The following PHF20 variants were observed in gnomAD, a reference collection of about 807,000 sequenced individuals.
PHF20 encodes PHD finger protein 20.
PHF20 carries 23 observed loss-of-function variants against 113.5 expected under a neutral mutation model. The ratio of observed to expected loss-of-function variants is 0.20; its 90% CI spans 0.15 to 0.29. PHF20 has a LOEUF of 0.29. Among genes scored for constraint, PHF20 ranks in the 10% least tolerant of loss-of-function variants. PHF20 has a pLI of 1.00. For synonymous variants in PHF20, 434 were observed against 457.3 expected (o/e 0.95, Z 0.65); for missense variants, 943 against 1,219.6 (o/e 0.77, Z 3.38).
At chr20:35,814,595 C>T (rs536726625) in intron 2 of PHF20, among the ~76,000 whole-genome samples, 10 of 149,836 alleles carry the variant, frequency 6.7e-5, no homozygotes, top group African/African-American at 1.2e-4. Flanking sequence ...ATAAATAGGC[C>T]GGGCGCGGTG....
chr20:35,939,857 C>T (rs2055942581), intron 16 of PHF20, among the ~76,000 whole-genome samples: 1 of 152,068 alleles, frequency 6.6e-6, no homozygotes, highest in South Asian at 2.1e-4. Flanking sequence ...CAAGGGGATC[C>T]TAGATTACAA....
At chr20:35,874,742 A>C (rs1000079151) in intron 9 of PHF20, among the ~76,000 whole-genome samples, 1 of 152,180 alleles carries the variant, frequency 6.6e-6, no homozygotes, top group African/African-American at 2.4e-5. Flanking sequence ...ATAACTTAAA[A>C]AATTTTTTTT....
intron 4 of PHF20, among the ~76,000 whole-genome samples, chr20:35,851,584 A>T (rs895671845): frequency 1.5e-5 from 2 of 135,664 alleles, no homozygotes; most frequent in Admixed American, 7.4e-5. Context: ...CCCAACCCCC[A>T]CCCCGCCCCT....
At chr20:35,798,432 A>G (rs1255509000) in intron 1 of PHF20, among the ~76,000 whole-genome samples, 1 of 151,886 alleles carries the variant, frequency 6.6e-6, no homozygotes, top group Non-Finnish European at 1.5e-5. Flanking sequence ...AAATAAATTC[A>G]TATGAGTTTT....
At chr20:35,778,753 C>CA (rs199913263) in intron 1 of PHF20, among the ~76,000 whole-genome samples, 14,951 of 108,668 alleles carry the variant, frequency 0.14, 806 homozygotes, top group Middle Eastern at 0.22. Flanking sequence ...AACTGTGTCT[C>CA]AAAAAAAAAA....
At chr20:35,891,197 C>T (rs763035866) in intron 9 of PHF20, among the ~76,000 whole-genome samples, 9 of 151,874 alleles carry the variant, frequency 5.9e-5, no homozygotes, top group Non-Finnish European at 8.8e-5. Context: ...TCGTAAATGA[C>T]GAAACCCGGT....
At chr20:35,850,479 T>TTATA (rs141463522) in intron 4 of PHF20, among the ~76,000 whole-genome samples, 137 of 146,840 alleles carry the variant, frequency 9.3e-4, no homozygotes, top group African/African-American at 3.2e-3. Flanking sequence ...CCTGGCTAAT[T>TTATA]TATATATATA....
rs2054247366 is a variant in PHF20 at position 35,863,143 on chromosome 20, C to G, written c.551C>G (p.Pro184Arg). 6.2e-7 allele frequency: 1 copy of G among 1,613,576 alleles called. No individual in the cohort carries two copies. The highest frequency in any genetic ancestry group is 1.7e-4 in the Middle Eastern group (1 of 6,060). ...VNVKKDKEDK[P>R]LKTEKRPKQP... The stretch of plus-strand genomic sequence containing the variant: ...GTGAAGAAAGACAAAGAAGATAAAC[C>G]CTTAAAGACAGAAAAGCGACCCAAG... Residue 184 changes from proline to arginine, a missense_variant, in exon 6 of 18, where the codon CCC becomes CGC. Physicochemically the swap from Pro to Arg is moderately radical, Grantham distance 103. Coordinates refer to ENST00000374012, the MANE Select transcript of PHF20 (RefSeq NM_016436.5).
intron 5 of PHF20, among the ~76,000 whole-genome samples, chr20:35,859,957 G>A (rs1333387916): frequency 2.0e-5 from 3 of 152,144 alleles, no homozygotes; most frequent in African/African-American, 7.2e-5. Flanking sequence ...GTCTCTGTCT[G>A]TCACCCAGAC....
intron 9 of PHF20, among the ~76,000 whole-genome samples, chr20:35,872,308 A>AG (rs1354913369): frequency 6.6e-6 from 1 of 152,030 alleles, no homozygotes; most frequent in Non-Finnish European, 1.5e-5. Flanking sequence ...GGATTGCCTG[A>AG]GGTGGAGAGT....
chr20:35,913,888 C>A (rs2055352913), intron 11 of PHF20, 145 bp from the exon 12 acceptor site: 2 of 679,596 alleles, frequency 2.9e-6, no homozygotes, highest in South Asian at 2.0e-5. Flanking sequence ...GCCCCTTCAT[C>A]TGCTCTCCAC....
intron 10 of PHF20, among the ~76,000 whole-genome samples, chr20:35,902,159 T>C (rs2055109658): frequency 6.6e-6 from 1 of 152,134 alleles, no homozygotes; most frequent in Non-Finnish European, 1.5e-5. Context: ...GGGGAGGAAT[T>C]ATGTTGAGTC....
rs1330021566 is a variant in PHF20, at chr20:35,941,034, G to T, written c.2883G>T (p.Glu961Asp). Reference sequence around the variant, plus strand: ...TTACGCACAGGATGGACTCCATTGAGAAGGAGTTGGATGGTAGGGCTCCTT... The same window carrying T: ...TTACGCACAGGATGGACTCCATTGATAAGGAGTTGGATGGTAGGGCTCCTT... ...DEVTHRMDSI[E>D]KELDVLESWL... The change falls in exon 17 of 18, where the codon GAG (glutamate) becomes GAT (aspartate). Residue 961 changes from glutamate (E) to aspartate (D), a missense_variant. By Grantham distance (45) the Glu-to-Asp change is conservative. Transcript: ENST00000374012. 6 of 1,613,448 alleles carry T rather than the reference G, an allele frequency of 3.7e-6. No individual in the cohort carries two copies. The South Asian group carries it at 6.6e-5, about 18-fold the overall frequency.
At chr20:35,881,011 G>C (rs1157516882) in intron 9 of PHF20, among the ~76,000 whole-genome samples, 1 of 114,998 alleles carries the variant, frequency 8.7e-6, no homozygotes, top group Non-Finnish European at 1.8e-5. Context: ...TTTCTGAATT[G>C]TTTAAAAATA....
At chr20:35,827,390 C>G (rs1365222297) in intron 2 of PHF20, among the ~76,000 whole-genome samples, 1 of 152,250 alleles carries the variant, frequency 6.6e-6, no homozygotes, top group African/African-American at 2.4e-5. Flanking sequence ...AAATTCTGGG[C>G]TAGCCACGCA....
intron 1 of PHF20, among the ~76,000 whole-genome samples, chr20:35,772,391 G>A (rs1213097517): frequency 6.6e-6 from 1 of 152,124 alleles, no homozygotes; most frequent in African/African-American, 2.4e-5. Flanking sequence ...GGAGCGGGCC[G>A]TGTTGGGGGT....
At chr20:35,937,944 T>C (rs1407165772) in intron 15 of PHF20, among the ~76,000 whole-genome samples, 1 of 152,120 alleles carries the variant, frequency 6.6e-6, no homozygotes, top group Non-Finnish European at 1.5e-5. Context: ...CAATCTTGGC[T>C]CACTGCAAGC....
intron 16 of PHF20, among the ~76,000 whole-genome samples, chr20:35,940,625 G>T (rs1600974037): frequency 1.3e-5 from 2 of 152,264 alleles, no homozygotes; most frequent in East Asian, 3.9e-4. Context: ...TAGGACATTG[G>T]CCCAGTCAGT....
At chr20:35,930,566 G>A (rs1600954687) in intron 14 of PHF20, among the ~76,000 whole-genome samples, 1 of 152,092 alleles carries the variant, frequency 6.6e-6, no homozygotes, top group Admixed American at 6.5e-5. Context: ...CCAGATACTC[G>A]GGAGGCTGAG....
Sources: gnomAD v4.1 joint callset for allele counts (sites outside exome capture counted in the v4.1 genomes callset) on GRCh38, gnomAD v4.1.1 for gene constraint, MANE v1.5 for transcripts, NCBI Gene and HGNC (gene_info 2026-07-23, HGNC 2026-07-21) for gene names.